Variants in ULK2 observed in about 807,000 individuals in gnomAD.
ULK2 encodes unc-51 like autophagy activating kinase 2.
In ULK2, 76 loss-of-function variants were observed where a neutral mutation model predicts 127.5. The ratio of observed to expected loss-of-function variants is 0.60; its 90% CI spans 0.50 to 0.72. The LOEUF (loss-of-function observed/expected upper bound fraction) is 0.72. Among genes scored for constraint, ULK2 ranks in the 30% least tolerant of loss-of-function variants. The pLI is 0.00. For missense variants in ULK2, 1,144 were observed against 1,295.9 expected (o/e 0.88, Z 1.80); for synonymous variants, 452 against 461.9 (o/e 0.98, Z 0.28).
intron 3 of ULK2, among the ~76,000 whole-genome samples, chr17:19,852,267 A>C (rs988801519): frequency 3.9e-5 from 6 of 151,918 alleles, no homozygotes; most frequent in African/African-American, 1.4e-4. Context: ...CACGCCTGTA[A>C]TCCCAGCACT....
At chr17:19,802,242 A>C (rs2087416162) in intron 15 of ULK2, among the ~76,000 whole-genome samples, 1 of 152,212 alleles carries the variant, frequency 6.6e-6, no homozygotes. Context: ...TTTTAACACC[A>C]AAGGTGATAT....
rs1415085272 is a variant in ULK2 at position 19,867,665 on chromosome 17, T to A, written c.-248A>T. On this transcript the variant is annotated 5_prime_UTR_variant, in exon 1 of 27. Transcript: ENST00000395544. ...CATGGCCCGGCCTGCCGCCGGCCGC[T>A]GGCTGTCTGGCGAAGCGGCCTCGGC... The A allele has an allele frequency of 8.7e-6, 2 of 229,524 alleles. No homozygotes were observed. Among genetic ancestry groups the A allele is most frequent in the Non-Finnish European group, 1.7e-5 (2 of 119,848 alleles). 14.2% of individuals were successfully genotyped at this position (229,524 alleles called of 1,614,324 possible).
At chr17:19,865,419 G>T (rs941747024) in intron 2 of ULK2, among the ~76,000 whole-genome samples, 1 of 152,142 alleles carries the variant, frequency 6.6e-6, no homozygotes, top group Non-Finnish European at 1.5e-5. Flanking sequence ...TAACATGAAA[G>T]GGGACAACAG....
chr17:19,855,403 CAA>C (rs1048908396), intron 3 of ULK2, among the ~76,000 whole-genome samples: 3 of 133,780 alleles, frequency 2.2e-5, no homozygotes, highest in Non-Finnish European at 1.6e-5. Context: ...AACTCCATCT[CAA>C]AAAAAAAAAA....
At chr17:19,845,070 T>C (rs1254121175) in intron 7 of ULK2, among the ~76,000 whole-genome samples, 1 of 152,222 alleles carries the variant, frequency 6.6e-6, no homozygotes, top group Non-Finnish European at 1.5e-5. Context: ...GTCTCATAAC[T>C]AATCTTTTTT....
At position 19,774,914 on chromosome 17, in the gene ULK2, T is replaced by C. The variant is rs1218481741; in HGVS notation, c.*1435A>G. The C allele has an allele frequency of 1.3e-5, 2 of 152,662 alleles. No individual in the cohort carries two copies. The highest frequency in any genetic ancestry group is 2.9e-5 in the Non-Finnish European group (2 of 68,036). The allele number at this position is 152,662 out of a possible 1,614,324, so 9.5% of individuals were successfully genotyped here. A position where few individuals can be genotyped will look rare whatever the true frequency, so the allele number is the denominator to read the frequency against. On this transcript the variant is annotated 3_prime_UTR_variant, in exon 27 of 27. Transcript: ENST00000395544. ...AAGACCTAAAAATACAAACGTCATA[T>C]AAATAAATGTTCAAATTAACTACTG... is the stretch of plus-strand genomic sequence containing the variant.
rs544457736 is a variant in ULK2, at chr17:19,832,983, C to T, written c.787+5518G>A. On this transcript the variant is annotated intron_variant, in intron 10 of 26. Transcript: ENST00000395544. ...ACTAAAAATACAAAAATTCACCAGGCGTAGTGGTGTGCACCTGTAATCCCA... is the reference window on the plus strand; with the variant it reads ...ACTAAAAATACAAAAATTCACCAGGTGTAGTGGTGTGCACCTGTAATCCCA... 1.3e-4 allele frequency among the ~76,000 whole-genome samples: 19 copies of T among 151,924 alleles called. No homozygotes were observed. The South Asian group carries it at 3.5e-3, about 28-fold the overall frequency.
chr17:19,863,254 T>C (rs2042280849), intron 3 of ULK2, among the ~76,000 whole-genome samples: 1 of 151,006 alleles, frequency 6.6e-6, no homozygotes, highest in African/African-American at 2.4e-5. Context: ...ATTTGAGTAA[T>C]GCAAGTGAAT....
chr17:19,817,155 C>T (rs750428547), intron 12 of ULK2, among the ~76,000 whole-genome samples: 1 of 152,118 alleles, frequency 6.6e-6, no homozygotes, highest in Non-Finnish European at 1.5e-5. Flanking sequence ...AAAAATATAT[C>T]GTACCACTTA....
intron 3 of ULK2, among the ~76,000 whole-genome samples, chr17:19,851,035 G>A (rs532026875): frequency 2.6e-5 from 4 of 151,616 alleles, no homozygotes; most frequent in African/African-American, 9.7e-5. Flanking sequence ...AAAAATGGCC[G>A]GGTACAGTGG....
At chr17:19,864,477 A>G (rs2042312455) in intron 3 of ULK2, among the ~76,000 whole-genome samples, 1 of 152,152 alleles carries the variant, frequency 6.6e-6, no homozygotes, top group Admixed American at 6.5e-5. Flanking sequence ...TCCATCAAAA[A>G]AAAAAAAAGC....
rs577370812 is a variant in ULK2, at chr17:19,835,492, G to A, written c.787+3009C>T. On this transcript the variant is annotated intron_variant, in intron 10 of 26. Transcript: ENST00000395544. The stretch of plus-strand genomic sequence containing the variant: ...AGCACTTTGGGAGGCCGAGGTGGGC[G>A]GATCACGAGGTCAGGAGATCGAAAC... 8.0e-3 allele frequency among the ~76,000 whole-genome samples: 1,187 copies of A among 149,026 alleles called. 21 individuals carry two copies. The highest frequency in any genetic ancestry group is 0.027 in the African/African-American group (1,097 of 40,648).
At chr17:19,855,273 G>A (rs1446629068) in intron 3 of ULK2, among the ~76,000 whole-genome samples, 1 of 151,106 alleles carries the variant, frequency 6.6e-6, no homozygotes, top group East Asian at 2.0e-4. Context: ...GCATGGTGGC[G>A]GGCGCCTGTA....
rs575986201 is a variant in ULK2 at position 19,847,216 on chromosome 17, GT to G, written c.296-307del. Among the ~76,000 whole-genome samples, 154 of 152,162 alleles carry G rather than the reference GT, an allele frequency of 1.0e-3. 2 individuals carry two copies. The highest frequency in any genetic ancestry group is 2.0e-3 in the Admixed American group (31 of 15,260). On this transcript the variant is annotated intron_variant, in intron 5 of 26. Transcript: ENST00000395544. ...GCCCACATGACTCTGAACACCATAT[GT>G]ACTCAATAAATATGAATGTCCTTTA... is the stretch of plus-strand genomic sequence containing the variant.
At chr17:19,796,804 G>A (rs1024293830) in intron 18 of ULK2, among the ~76,000 whole-genome samples, 7 of 152,144 alleles carry the variant, frequency 4.6e-5, no homozygotes, top group African/African-American at 1.7e-4. Flanking sequence ...GGTGAGACCT[G>A]GCAGGAGTAT....
intron 23 of ULK2, 138 bp from the exon 24 acceptor site, chr17:19,781,242 C>CTTT (rs200296663): frequency 6.2e-4 from 294 of 471,480 alleles, no homozygotes; most frequent in Middle Eastern, 1.8e-3. Context: ...TCTTTCTTTT[C>CTTT]TTTTTTTTTT....
intron 3 of ULK2, chr17:19,860,998 G>A (rs545896984): frequency 6.6e-6 from 1 of 151,468 alleles, no homozygotes; most frequent in Admixed American, 6.6e-5. Flanking sequence ...TCAGGAGGCA[G>A]AGGTGCAATG....
At chr17:19,818,792 TTTTTC>T (rs1280557288) in intron 12 of ULK2, among the ~76,000 whole-genome samples, 4 of 126,706 alleles carry the variant, frequency 3.2e-5, no homozygotes, top group African/African-American at 1.2e-4. Flanking sequence ...TTTCTTTTCT[TTTTTC>T]TTTTTTTTTT....
chr17:19,790,018 C>A (rs762155953), intron 20 of ULK2, among the ~76,000 whole-genome samples: 1 of 151,200 alleles, frequency 6.6e-6, no homozygotes, highest in Admixed American at 6.6e-5. Flanking sequence ...ATAGACAGTA[C>A]AATAACATAT....
Sources: allele counts gnomAD v4.1 joint callset (sites outside exome capture counted in the v4.1 genomes callset), GRCh38; gene constraint gnomAD v4.1.1; transcripts MANE v1.5; gene names NCBI Gene and HGNC (gene_info 2026-07-23, HGNC 2026-07-21).